RAG1: variants seen among roughly 807,000 people sequenced by gnomAD.
The protein encoded by RAG1 is V(D)J recombination-activating protein 1.
A neutral mutation model predicts 62.7 loss-of-function variants in RAG1; 35 were observed. That is an observed-to-expected ratio of 0.56 (90% CI 0.43 to 0.74). The LOEUF is 0.74. RAG1 is among the 30% of genes least tolerant of loss of function. The pLI, the probability that RAG1 is intolerant of heterozygous loss-of-function variation, is 0.00. For synonymous variants in RAG1, 461 were observed against 470.3 expected, an observed-to-expected ratio of 0.98 and a Z score of 0.26; for missense variants, 1,169 against 1,278.6, an observed-to-expected ratio of 0.91 and a Z score of 1.31.
At chr11:36,521,198 A>C (rs1321228899) in intron 2 of RAG1, among the ~76,000 whole-genome samples, 2 of 151,788 alleles carry the variant, frequency 1.3e-5, no homozygotes, top group Non-Finnish European at 2.9e-5. Context: ...ACCTCACACG[A>C]TCCGTCCTCC....
chr11:36,543,484 C>T lies in RAG1; in HGVS notation c.-412+7450C>T, dbSNP rs184579167. ...TCTACCCGAAAAATCAGACCCTCCC[C>T]GCCCTCAGATCCCAAAGCTTATTGG... is the stretch of plus-strand genomic sequence containing the variant. On this transcript the variant is annotated intron_variant and NMD_transcript_variant, in intron 3 of 9. Coordinates refer to the RAG1 transcript ENST00000534663. Among the ~76,000 whole-genome samples, 1,383 of 152,312 alleles carry T rather than the reference C, an allele frequency of 9.1e-3. 17 individuals are homozygous for T. The highest frequency in any genetic ancestry group is 0.03 in the African/African-American group (1,245 of 41,556).
chr11:36,518,230 T>C (rs331453), intron 1 of RAG1, among the ~76,000 whole-genome samples: 3,111 of 152,034 alleles, frequency 0.02, 102 homozygotes, highest in African/African-American at 0.069. Context: ...TTTCTTAATC[T>C]AGTCTATCAT....
intron 1 of RAG1, among the ~76,000 whole-genome samples, chr11:36,515,795 G>A (rs1294960578): frequency 1.3e-5 from 2 of 152,154 alleles, no homozygotes; most frequent in African/African-American, 2.4e-5. Flanking sequence ...CAGAGTCTGA[G>A]CCACCAGGAG....
At chr11:36,511,173 C>T (rs1037061026) in intron 1 of RAG1, 12 of 152,160 alleles carry the variant, frequency 7.9e-5, no homozygotes, top group Admixed American at 2.0e-4. Flanking sequence ...ACTATCTGGC[C>T]AGGCACAAAT....
At chr11:36,512,920 C>T (rs751839435) in intron 1 of RAG1, among the ~76,000 whole-genome samples, 5 of 152,108 alleles carry the variant, frequency 3.3e-5, no homozygotes, top group African/African-American at 7.2e-5. Flanking sequence ...AGTTTCAATG[C>T]GTCCCCTAAA....
Position 36,573,618 on chromosome 11 carries a change from C to T in RAG1, c.314C>T (p.Ala105Val), listed in dbSNP as rs916855592. The change falls in exon 2 of 2, where the codon GCC (alanine) becomes GTC (valine). Residue 105 changes from alanine to valine, a missense_variant. Physicochemically the swap from Ala to Val is moderately conservative, Grantham distance 64. Around this residue, in one of 2 missense-constraint regions of RAG1, gnomAD observed 369 missense variants for 335.3 expected, o/e 1.10. Transcript: ENST00000299440. ...EKARGKAIHQ[A>V]NLRHLCRICG... ...GCAAGAGGCAAAGCGATCCATCAAGCCAACCTTCGACATCTCTGCCGCATC... is the reference window on the plus strand; with the variant it reads ...GCAAGAGGCAAAGCGATCCATCAAGTCAACCTTCGACATCTCTGCCGCATC... 3.1e-6 allele frequency: 5 copies of T among 1,614,180 alleles called. No homozygotes were observed. The Admixed American group carries it at 6.7e-5, about 22-fold the overall frequency.
intron 2 of RAG1, among the ~76,000 whole-genome samples, chr11:36,526,257 C>T (rs1271846258): frequency 7.2e-6 from 1 of 139,044 alleles, no homozygotes; most frequent in Non-Finnish European, 1.5e-5. Context: ...CGATAGGCCC[C>T]AGTGTGTGAT....
At chr11:36,519,598 C>G (rs1860046955) in intron 1 of RAG1, among the ~76,000 whole-genome samples, 1 of 152,130 alleles carries the variant, frequency 6.6e-6, no homozygotes, top group South Asian at 2.1e-4. Flanking sequence ...GAATCTTTGT[C>G]AGCATTTTAA....
intron 2 of RAG1, among the ~76,000 whole-genome samples, chr11:36,521,422 T>G (rs1860078373): frequency 6.6e-6 from 1 of 152,104 alleles, no homozygotes; most frequent in South Asian, 2.1e-4. Flanking sequence ...CTGCCCAAAC[T>G]CTCTTCTCTT....
rs1386905605 is a variant in RAG1 at position 36,575,257 on chromosome 11, T to G, written c.1953T>G (p.Ser651=). Reference sequence around the variant, plus strand: ...TATTTGAAGAAGCCAAACCTAACTCTGAACTGTGTTGCAAGCCATTGTGCC... The same window carrying G: ...TATTTGAAGAAGCCAAACCTAACTCGGAACTGTGTTGCAAGCCATTGTGCC... ...VKVFEEAKPN[S]ELCCKPLCLM... The change falls in exon 2 of 2, where the codon TCT becomes TCG. Residue 651 remains serine, a synonymous_variant. Coordinates refer to ENST00000299440, the MANE Select transcript of RAG1 (RefSeq NM_000448.3). The surrounding 1 kb of genome is among the most constrained non-coding windows in gnomAD (Gnocchi z 4.1). 1.9e-6 allele frequency: 3 copies of G among 1,614,100 alleles called. No individual in the cohort carries two copies. Among genetic ancestry groups the G allele is most frequent in the Middle Eastern group, 1.6e-4 (1 of 6,084 alleles).
At position 36,517,825 on chromosome 11, in the gene RAG1, C is replaced by T. The variant is rs574952160; in HGVS notation, n.331-2307C>T. Among the ~76,000 whole-genome samples the T allele has an allele frequency of 2.8e-4, 42 of 151,936 alleles. No homozygotes were observed. The Middle Eastern group carries it at 0.014, about 49-fold the overall frequency. ...CTTTAACAAACAACATGAGAGTGTTCGCTTTTCTTTTTAAATTTTATTATT... is the reference window on the plus strand; with the variant it reads ...CTTTAACAAACAACATGAGAGTGTTTGCTTTTCTTTTTAAATTTTATTATT... On this transcript the variant is annotated intron_variant and non_coding_transcript_variant, in intron 1 of 2. Coordinates refer to the RAG1 transcript ENST00000529126.
chr11:36,573,180 C>G, intron 1 of RAG1, 111 bp from the exon 2 acceptor site: 8 of 1,100,180 alleles, frequency 7.3e-6, no homozygotes, highest in Non-Finnish European at 1.0e-5. Flanking sequence ...TAATACATAT[C>G]TTTTGGAATA....
chr11:36,521,753 C>T (rs1860083531), intron 2 of RAG1, among the ~76,000 whole-genome samples: 1 of 152,054 alleles, frequency 6.6e-6, no homozygotes, highest in African/African-American at 2.4e-5. Flanking sequence ...ATGGCTTTGA[C>T]TAAAATGCTG....
At chr11:36,562,662 G>A (rs957083724) in intron 3 of RAG1, among the ~76,000 whole-genome samples, 1 of 152,124 alleles carries the variant, frequency 6.6e-6, no homozygotes, top group Non-Finnish European at 1.5e-5. Flanking sequence ...TTGGGTGGGT[G>A]GATGAAGGAA....
At chr11:36,510,554 G>C (rs1859902389), upstream of RAG1, 1 of 152,120 alleles carries the variant, frequency 6.6e-6, no homozygotes, top group Admixed American at 6.6e-5. Context: ...AGTGGCGACA[G>C]TAGTAATCCC....
intron 1 of RAG1, among the ~76,000 whole-genome samples, chr11:36,517,842 TTTA>T (rs1224983821): frequency 1.3e-5 from 2 of 152,072 alleles, no homozygotes; most frequent in East Asian, 3.9e-4. Flanking sequence ...CTTTTTAAAT[TTTA>T]TTATTATTAT....
rs150598350 is a variant in RAG1 at position 36,551,551 on chromosome 11, T to C, written c.-411-11834T>C. On this transcript the variant is annotated intron_variant and NMD_transcript_variant, in intron 3 of 9. Transcript: ENST00000534663. ...TAATCTCTTTTTCTAAGATCACCAG[T>C]CATATTGAATTAGGGCTCACCTAAT... Among the ~76,000 whole-genome samples the C allele has an allele frequency of 9.5e-4, 144 of 152,072 alleles. 1 individual carries two copies. Among genetic ancestry groups the C allele is most frequent in the African/African-American group, 3.2e-3 (134 of 41,506 alleles).
downstream of RAG1, among the ~76,000 whole-genome samples, chr11:36,537,780 A>T (rs1264910642): frequency 2.0e-5 from 3 of 152,088 alleles, no homozygotes; most frequent in African/African-American, 7.2e-5. Flanking sequence ...ATTTCATTTG[A>T]TTTGATTCAG....
intron 2 of RAG1, among the ~76,000 whole-genome samples, chr11:36,528,075 TAGAC>T (rs1418812293): frequency 6.6e-6 from 1 of 152,070 alleles, no homozygotes; most frequent in African/African-American, 2.4e-5. Flanking sequence ...CTGTCAATAT[TAGAC>T]AGATCAATGA....
Sources: gnomAD v4.1 joint callset for allele counts (sites outside exome capture counted in the v4.1 genomes callset) on GRCh38, gnomAD v4.1.1 for gene constraint, gnomAD v4.1.1 regional missense constraint, Gnocchi (gnomAD v3.1) non-coding constraint, MANE v1.5 for transcripts, NCBI Gene and HGNC (gene_info 2026-07-23, HGNC 2026-07-21) for gene names.